Variants in TMED5 observed in about 807,000 individuals in gnomAD.
TMED5 encodes the protein transmembrane p24 trafficking protein 5.
TMED5 carries 27 observed loss-of-function variants against 23.0 expected under a neutral mutation model. That is an observed-to-expected ratio of 1.17 (90% CI 0.86 to 1.62). TMED5 has a LOEUF of 1.62. Among genes scored for constraint, TMED5 ranks in the 40% most tolerant of loss-of-function variants. The pLI is 0.00. For synonymous variants in TMED5, 97 were observed against 100.8 expected, an observed-to-expected ratio of 0.96 and a Z score of 0.23; for missense variants, 248 against 273.7, an observed-to-expected ratio of 0.91 and a Z score of 0.66.
rs1413607709 is a variant in TMED5, at chr1:93,180,191, G to T, written c.52C>A (p.Pro18Thr). Residue 18 changes from proline (P) to threonine (T), a missense_variant, in exon 1 of 4, where the codon CCT (proline) becomes ACT (threonine). Transcript: ENST00000370282. ...GCCGCCCCAGGCAGCAGCACCGGAG[G>T]CAGAGCGGCCAGAAGGAGCACGGGG... is the stretch of plus-strand genomic sequence containing the variant. ...PFPVLLLAAL[P>T]PVLLPGAAGF... 2 of 1,613,514 alleles carry T rather than the reference G, an allele frequency of 1.2e-6. No homozygotes were observed. Among genetic ancestry groups the T allele is most frequent in the Non-Finnish European group, 1.7e-6 (2 of 1,179,804 alleles).
intron 1 of TMED5, chr1:93,161,093 G>A (rs1648259329): frequency 6.6e-6 from 1 of 152,072 alleles, no homozygotes; most frequent in African/African-American, 2.4e-5. Context: ...GTCCTTCTAT[G>A]AAGATGATGA....
At chr1:93,171,205 A>G (rs536417877) in intron 1 of TMED5, among the ~76,000 whole-genome samples, 1 of 152,214 alleles carries the variant, frequency 6.6e-6, no homozygotes, top group African/African-American at 2.4e-5. Context: ...CCACCTTAAG[A>G]GCTGTAACTC....
chr1:93,155,809 T>C (rs944154306), intron 3 of TMED5, among the ~76,000 whole-genome samples: 10 of 152,284 alleles, frequency 6.6e-5, no homozygotes, highest in African/African-American at 2.4e-4. Flanking sequence ...CCAATTGATA[T>C]AACTTTAGGT....
chr1:93,155,893 A>T, intron 3 of TMED5: 1 of 467,232 alleles, frequency 2.1e-6, no homozygotes, highest in Non-Finnish European at 3.8e-6. Flanking sequence ...TTTAGTATTC[A>T]GTAAAACACC....
At chr1:93,169,551 T>A (rs1260947003) in intron 1 of TMED5, among the ~76,000 whole-genome samples, 1 of 147,320 alleles carries the variant, frequency 6.8e-6, no homozygotes, top group African/African-American at 2.5e-5. Context: ...AAGAAAAACA[T>A]TAGAGCAGAA....
chr1:93,172,468 G>GA (rs1369213314), intron 1 of TMED5, among the ~76,000 whole-genome samples: 8 of 149,472 alleles, frequency 5.4e-5, no homozygotes, highest in East Asian at 1.9e-4. Context: ...AGCACTAAAA[G>GA]AAAAAAAAAG....
chr1:93,157,150 A>G (rs1648102865), intron 2 of TMED5, among the ~76,000 whole-genome samples: 1 of 152,192 alleles, frequency 6.6e-6, no homozygotes, highest in African/African-American at 2.4e-5. Flanking sequence ...TACAACTGAG[A>G]TTAAACTGAG....
At position 93,152,652 on chromosome 1, in the gene TMED5, G is replaced by A. The variant is rs1437051042; in HGVS notation, c.*2018C>T. On this transcript the variant is annotated 3_prime_UTR_variant, in exon 4 of 4. Transcript: ENST00000370282. ...TAACAAATTCATTGTTAGGTAAGGA[G>A]TCAGAGAGTACAGTACAGTAACAGC... is the stretch of plus-strand genomic sequence containing the variant. 1 of 152,626 alleles carries A rather than the reference G, an allele frequency of 6.6e-6. No homozygotes were observed. Among genetic ancestry groups the A allele is most frequent in the Non-Finnish European group, 1.5e-5 (1 of 68,028 alleles). The allele number at this position is 152,626 out of a possible 1,614,324, so 9.5% of individuals were successfully genotyped here.
intron 1 of TMED5, among the ~76,000 whole-genome samples, chr1:93,170,317 C>T (rs1288612444): frequency 1.3e-5 from 2 of 152,238 alleles, no homozygotes; most frequent in South Asian, 4.1e-4. Flanking sequence ...TGCGGGCCAG[C>T]TCGAGTTCCG....
chr1:93,169,689 A>G (rs572449104), intron 1 of TMED5, among the ~76,000 whole-genome samples: 1 of 152,230 alleles, frequency 6.6e-6, no homozygotes, highest in East Asian at 1.9e-4. Context: ...AAAAAAGAGA[A>G]AAGACACAGA....
chr1:93,155,590 C>G (rs927071806), intron 3 of TMED5, among the ~76,000 whole-genome samples: 2 of 145,724 alleles, frequency 1.4e-5, no homozygotes, highest in Non-Finnish European at 3.0e-5. Flanking sequence ...AATCTCGGCT[C>G]ATTGCAACCT....
In TMED5 at chr1:93,150,590, T is replaced by C. The variant is rs944221089; in HGVS notation, c.*4080A>G. 3 of 152,252 alleles carry C rather than the reference T, an allele frequency of 2.0e-5. No individual in the cohort carries two copies. The highest frequency in any genetic ancestry group is 2.1e-4 in the South Asian group (1 of 4,832). 9.4% of individuals were successfully genotyped at this position (152,252 alleles called of 1,614,324 possible). ...CAGCAACGTATGAGTGGTCCACTTA[T>C]CCAATTTCTCTTGCATCCTAGCAAA... On this transcript the variant is annotated 3_prime_UTR_variant, in exon 4 of 4. Coordinates refer to ENST00000370282, the MANE Select transcript of TMED5 (RefSeq NM_016040.5).
Position 93,154,670 on chromosome 1 carries a change from T to C in TMED5, c.690A>G (p.Ter230=). The change falls in exon 4 of 4, where the codon TAA becomes TAG. Residue 230 remains the stop codon, a stop_retained_variant. Coordinates refer to ENST00000370282, the MANE Select transcript of TMED5 (RefSeq NM_016040.5). ...LFEDKRKSRT[*] ...ATGTTACGTACTCTAGTTTGGAGTT[T>C]TAAGTTCTACTTTTCCTCTTATCTT... 6.2e-7 allele frequency: 1 copy of C among 1,610,950 alleles called. No homozygotes were observed. Among genetic ancestry groups the C allele is most frequent in the South Asian group, 1.1e-5 (1 of 91,024 alleles).
intron 1 of TMED5, among the ~76,000 whole-genome samples, chr1:93,171,246 A>G (rs1279529712): frequency 1.3e-5 from 2 of 152,016 alleles, no homozygotes; most frequent in Non-Finnish European, 2.9e-5. Context: ...TTCACTCCTG[A>G]GCCAGCGAGA....
chr1:93,164,577 C>T (rs1330042002), intron 1 of TMED5, among the ~76,000 whole-genome samples: 3 of 152,146 alleles, frequency 2.0e-5, no homozygotes, highest in Non-Finnish European at 4.4e-5. Context: ...TAAGCTTACA[C>T]ATCAAGCAAA....
chr1:93,176,508 T>C (rs979793385), intron 1 of TMED5, among the ~76,000 whole-genome samples: 5 of 150,054 alleles, frequency 3.3e-5, no homozygotes, highest in Non-Finnish European at 7.4e-5. Context: ...GCACAGACTA[T>C]ACACACACAC....
intron 1 of TMED5, among the ~76,000 whole-genome samples, chr1:93,178,237 G>A (rs749297254): frequency 2.6e-5 from 4 of 152,058 alleles, no homozygotes; most frequent in Admixed American, 6.6e-5. Flanking sequence ...TCCCACCCTA[G>A]ACTTTATATG....
chr1:93,175,201 A>ATATATATATATATAT (rs71094238), intron 1 of TMED5, among the ~76,000 whole-genome samples: 27 of 141,326 alleles, frequency 1.9e-4, no homozygotes, highest in African/African-American at 5.4e-4. Flanking sequence ...ATATATATAT[A>ATATATATATATATAT]AATGGACCTC....
chr1:93,179,742 A>C (rs1649199123), intron 1 of TMED5, among the ~76,000 whole-genome samples: 1 of 152,148 alleles, frequency 6.6e-6, no homozygotes, highest in Non-Finnish European at 1.5e-5. Context: ...GTAGTGGCTA[A>C]GAAAAGCAGT....
Sources: allele counts gnomAD v4.1 joint callset (sites outside exome capture counted in the v4.1 genomes callset), GRCh38; gene constraint gnomAD v4.1.1; transcripts MANE v1.5; gene names NCBI Gene and HGNC (gene_info 2026-07-23, HGNC 2026-07-21).